The following AGPS variants were observed in gnomAD, a reference collection of about 807,000 sequenced individuals.
AGPS encodes the protein alkyldihydroxyacetonephosphate synthase, peroxisomal.
In AGPS, 26 loss-of-function variants were observed where a neutral mutation model predicts 90.7. The observed-to-expected ratio is 0.29, with a 90% confidence interval of 0.21 to 0.40. AGPS has a LOEUF of 0.40. AGPS is among the 10% of genes least tolerant of loss of function. The pLI is 1.00. For synonymous variants in AGPS, 294 were observed against 285.3 expected (o/e 1.03, Z -0.31); for missense variants, 540 against 816.1 (o/e 0.66, Z 4.12).
rs527531135 is a variant in AGPS at position 177,538,517 on chromosome 2, G to A, written c.*322G>A. The A allele has an allele frequency of 2.8e-6, 1 of 351,304 alleles. No homozygotes were observed. Among genetic ancestry groups the A allele is most frequent in the Admixed American group, 4.6e-5 (1 of 21,910 alleles). The allele number at this position is 351,304 out of a possible 1,614,324, so 21.8% of individuals were successfully genotyped here. Reference sequence around the variant, plus strand: ...TTTTGTATTGTTGCTTCCTCTTGGGGAACAAAGACAGATTTGGTATCATTG... The same window carrying A: ...TTTTGTATTGTTGCTTCCTCTTGGGAAACAAAGACAGATTTGGTATCATTG... On this transcript the variant is annotated 3_prime_UTR_variant, in exon 20 of 20. Transcript: ENST00000264167.
intron 8 of AGPS, among the ~76,000 whole-genome samples, chr2:177,454,178 C>T (rs920818638): frequency 6.6e-6 from 1 of 151,612 alleles, no homozygotes; most frequent in Non-Finnish European, 1.5e-5. Context: ...CAATAAACCC[C>T]CCTCCCCGCT....
At chr2:177,506,512 A>G (rs1446740747) in intron 15 of AGPS, among the ~76,000 whole-genome samples, 1 of 151,926 alleles carries the variant, frequency 6.6e-6, no homozygotes, top group Non-Finnish European at 1.5e-5. Flanking sequence ...CCTTATACAC[A>G]ACAATTGTTG....
chr2:177,413,665 A>G (rs1389318559), intron 1 of AGPS, among the ~76,000 whole-genome samples: 3 of 152,226 alleles, frequency 2.0e-5, no homozygotes, highest in African/African-American at 4.8e-5. Context: ...GTCCTTTGCT[A>G]TGACAACCTC....
chr2:177,440,792 A>G (rs78062346), intron 5 of AGPS, among the ~76,000 whole-genome samples, 173 bp from the exon 6 acceptor site: 66 of 152,282 alleles, frequency 4.3e-4, no homozygotes, highest in Non-Finnish European at 7.8e-4. Flanking sequence ...AAATTATTTC[A>G]AAATGAAAAG....
At chr2:177,478,097 C>T (rs995547712) in intron 10 of AGPS, among the ~76,000 whole-genome samples, 7 of 152,110 alleles carry the variant, frequency 4.6e-5, no homozygotes, top group Non-Finnish European at 1.0e-4. Flanking sequence ...TTTTCATTTT[C>T]GAAAGATAAC....
In AGPS at chr2:177,526,649, ATAT is replaced by A. The variant is rs2079090550; in HGVS notation, c.1855+2848_1855+2850del. On this transcript the variant is annotated intron_variant, in intron 19 of 19. Transcript: ENST00000264167. The stretch of plus-strand genomic sequence containing the variant: ...GGGCCTTATAGTCCAGTAGAATAAA[ATAT>A]TATACCATTTCAAAAGCTACTGACA... Among the ~76,000 whole-genome samples the A allele has an allele frequency of 2.0e-5, 3 of 152,206 alleles. No individual in the cohort carries two copies. In the South Asian group the frequency reaches 6.2e-4, roughly 31 times the overall value.
In AGPS at chr2:177,498,607, C is replaced by G. The variant is rs564075770; in HGVS notation, c.1362+842C>G. On this transcript the variant is annotated intron_variant, in intron 13 of 19. Coordinates refer to ENST00000264167, the MANE Select transcript of AGPS (RefSeq NM_003659.4). ...CAGGGCCATTTTCTTCACTCTCTCT[C>G]TCTTATACTAAATGAGAATTTAAAA... 1.4e-4 allele frequency among the ~76,000 whole-genome samples: 21 copies of G among 150,264 alleles called. 1 individual carries two copies. The highest frequency in any genetic ancestry group is 3.9e-4 in the African/African-American group (16 of 40,988).
At chr2:177,527,689 A>G (rs1393928174) in intron 19 of AGPS, among the ~76,000 whole-genome samples, 3 of 152,106 alleles carry the variant, frequency 2.0e-5, no homozygotes, top group African/African-American at 7.2e-5. Context: ...TGTATAAGTT[A>G]TGTGCATTTT....
chr2:177,424,309 T>A (rs1686016184), intron 2 of AGPS, among the ~76,000 whole-genome samples: 1 of 152,212 alleles, frequency 6.6e-6, no homozygotes, highest in South Asian at 2.1e-4. Context: ...TTTCTATGGC[T>A]GCATAGTATT....
intron 15 of AGPS, among the ~76,000 whole-genome samples, chr2:177,507,719 T>C (rs1050438834): frequency 6.6e-6 from 1 of 152,230 alleles, no homozygotes; most frequent in Admixed American, 6.5e-5. Context: ...ATTTGAGTTC[T>C]TGCCCTGAGT....
intron 1 of AGPS, among the ~76,000 whole-genome samples, chr2:177,403,900 G>C (rs1431950107): frequency 6.6e-6 from 1 of 152,066 alleles, no homozygotes; most frequent in African/African-American, 2.4e-5. Flanking sequence ...CCCTATTATA[G>C]AGAATGCTGT....
chr2:177,455,340 A>G (rs1200752876), intron 8 of AGPS, among the ~76,000 whole-genome samples: 1 of 152,020 alleles, frequency 6.6e-6, no homozygotes, highest in Non-Finnish European at 1.5e-5. Flanking sequence ...TTGTGCCTGG[A>G]TTCTGTTTCT....
chr2:177,490,489 A>C (rs1688221091), intron 11 of AGPS, among the ~76,000 whole-genome samples: 1 of 152,226 alleles, frequency 6.6e-6, no homozygotes, highest in South Asian at 2.1e-4. Flanking sequence ...TAAAATTAAA[A>C]AAATTCTTTA....
chr2:177,470,850 A>T (rs2105678827), intron 10 of AGPS, among the ~76,000 whole-genome samples: 1 of 152,302 alleles, frequency 6.6e-6, no homozygotes, highest in Non-Finnish European at 1.5e-5. Context: ...TCTTTATCAG[A>T]TCTGGATTTC....
chr2:177,499,377 C>G (rs1019668863), intron 13 of AGPS, among the ~76,000 whole-genome samples: 2 of 151,748 alleles, frequency 1.3e-5, no homozygotes, highest in African/African-American at 4.8e-5. Flanking sequence ...TTATGATTAA[C>G]ACTGTGGCAT....
chr2:177,468,004 T>C (rs1436431840), intron 9 of AGPS, among the ~76,000 whole-genome samples: 1 of 152,114 alleles, frequency 6.6e-6, no homozygotes, highest in African/African-American at 2.4e-5. Context: ...GAGAATAATT[T>C]TTTTCTTAGA....
intron 14 of AGPS, among the ~76,000 whole-genome samples, chr2:177,503,813 A>C (rs1209409436): frequency 6.6e-6 from 1 of 152,140 alleles, no homozygotes; most frequent in Non-Finnish European, 1.5e-5. Flanking sequence ...TGGGCTTATG[A>C]ATTTAGAAAG....
chr2:177,443,738 A>G (rs1686683319), intron 7 of AGPS, among the ~76,000 whole-genome samples: 1 of 152,196 alleles, frequency 6.6e-6, no homozygotes, highest in Non-Finnish European at 1.5e-5. Flanking sequence ...CCCAGATTTT[A>G]AGAAAAGGCA....
At chr2:177,415,132 T>C (rs1405641197) in intron 1 of AGPS, among the ~76,000 whole-genome samples, 1 of 152,170 alleles carries the variant, frequency 6.6e-6, no homozygotes, top group South Asian at 2.1e-4. Flanking sequence ...TATATGCATA[T>C]CTATTCAACT....
Sources: gnomAD v4.1 joint callset for allele counts (sites outside exome capture counted in the v4.1 genomes callset) on GRCh38, gnomAD v4.1.1 for gene constraint, MANE v1.5 for transcripts, NCBI Gene and HGNC (gene_info 2026-07-23, HGNC 2026-07-21) for gene names.